The following KLHL1 variants were observed in gnomAD, a reference collection of about 807,000 sequenced individuals.
KLHL1 encodes the protein kelch like family member 1.
KLHL1 carries 47 observed loss-of-function variants against 77.7 expected under a neutral mutation model. The observed-to-expected ratio is 0.60, with a 90% CI of 0.48 to 0.77. KLHL1 has a LOEUF of 0.77. Among genes scored for constraint, KLHL1 ranks in the 30% least tolerant of loss-of-function variants. The probability of loss-of-function intolerance (pLI) is 0.00; values close to 1 mark genes in which losing one functional copy is unlikely to be tolerated. For synonymous variants in KLHL1, 360 were observed against 325.2 expected (o/e 1.11, Z -1.15); for missense variants, 925 against 910.8 (o/e 1.02, Z -0.20).
chr13:69,892,794 T>A (rs1438551791), intron 4 of KLHL1, among the ~76,000 whole-genome samples: 1 of 152,200 alleles, frequency 6.6e-6, no homozygotes, highest in Admixed American at 6.5e-5. Flanking sequence ...GTACAGAAGT[T>A]ACTTACATAA....
At chr13:69,855,327 G>C (rs1054078714) in intron 5 of KLHL1, among the ~76,000 whole-genome samples, 55 of 127,234 alleles carry the variant, frequency 4.3e-4, no homozygotes, top group Non-Finnish European at 5.4e-4. Flanking sequence ...TAGATAGATA[G>C]ATAGATAGAT....
intron 4 of KLHL1, among the ~76,000 whole-genome samples, chr13:69,934,772 G>A (rs1443959302): frequency 6.6e-6 from 1 of 151,578 alleles, no homozygotes; most frequent in East Asian, 2.0e-4. Context: ...TCCCACTTCA[G>A]ATCATTGGCA....
At chr13:69,782,865 C>A (rs1001641078) in intron 7 of KLHL1, among the ~76,000 whole-genome samples, 1 of 152,226 alleles carries the variant, frequency 6.6e-6, no homozygotes, top group Non-Finnish European at 1.5e-5. Context: ...ACTGCCTCCT[C>A]AAGTGGGTCC....
intron 6 of KLHL1, 105 bp from the exon 7 acceptor site, chr13:69,797,067 AT>A (rs1038151815): frequency 2.0e-4 from 179 of 888,996 alleles, no homozygotes; most frequent in South Asian, 1.8e-3. Flanking sequence ...TGTCATATTC[AT>A]TTTTTTTAAA....
At chr13:69,709,936 C>A (rs1215436658) in intron 9 of KLHL1, among the ~76,000 whole-genome samples, 1 of 151,770 alleles carries the variant, frequency 6.6e-6, no homozygotes, top group Admixed American at 6.6e-5. Flanking sequence ...GATTTTGTCA[C>A]CATCCTGTCA....
chr13:69,740,590 A>C (rs763039611), intron 7 of KLHL1, 34 bp from the exon 8 acceptor site: 1 of 1,497,418 alleles, frequency 6.7e-7, no homozygotes, highest in East Asian at 2.3e-5. Context: ...TAGTGCCTAT[A>C]GTTAATATCA....
At chr13:69,795,807 G>A (rs190831607) in intron 7 of KLHL1, among the ~76,000 whole-genome samples, 140 of 152,208 alleles carry the variant, frequency 9.2e-4, no homozygotes, top group African/African-American at 3.2e-3. Context: ...CCATAGCAGG[G>A]AACAGATAAA....
intron 5 of KLHL1, among the ~76,000 whole-genome samples, chr13:69,851,980 A>G (rs1879708306): frequency 6.6e-6 from 1 of 151,938 alleles, no homozygotes; most frequent in Admixed American, 6.6e-5. Context: ...ATGGGGTCTT[A>G]AATCATAACC....
At chr13:69,797,954 A>C (rs1877198491) in intron 6 of KLHL1, among the ~76,000 whole-genome samples, 1 of 152,208 alleles carries the variant, frequency 6.6e-6, no homozygotes, top group African/African-American at 2.4e-5. Context: ...TTTTACATAT[A>C]AGTTTGAGAA....
At chr13:70,033,343 G>A (rs1404482119) in intron 1 of KLHL1, among the ~76,000 whole-genome samples, 6 of 152,090 alleles carry the variant, frequency 3.9e-5, no homozygotes, top group African/African-American at 1.4e-4. Flanking sequence ...AGGCTGGAGG[G>A]CAGTGGCGCG....
intron 1 of KLHL1, among the ~76,000 whole-genome samples, chr13:69,998,215 A>G (rs1193359304): frequency 6.6e-6 from 1 of 152,054 alleles, no homozygotes; most frequent in African/African-American, 2.4e-5. Flanking sequence ...TAGGTCTGAG[A>G]TTTTGGACAT....
At chr13:70,054,642 T>C (rs1212801672) in intron 1 of KLHL1, among the ~76,000 whole-genome samples, 2 of 151,896 alleles carry the variant, frequency 1.3e-5, no homozygotes. Flanking sequence ...ATAGCTATTT[T>C]GATAAAGCCA....
chr13:70,053,521 T>C (rs1886676633), intron 1 of KLHL1, among the ~76,000 whole-genome samples: 1 of 152,108 alleles, frequency 6.6e-6, no homozygotes, highest in Non-Finnish European at 1.5e-5. Context: ...AAATTAATTA[T>C]AATACTCTTA....
chr13:69,861,473 A>G (rs1307733873), intron 5 of KLHL1, among the ~76,000 whole-genome samples: 3 of 152,110 alleles, frequency 2.0e-5, no homozygotes, highest in Admixed American at 1.3e-4. Context: ...ATGATTTCAT[A>G]TTGATGTTTA....
intron 6 of KLHL1, among the ~76,000 whole-genome samples, chr13:69,822,984 A>C (rs1001139222): frequency 6.6e-6 from 1 of 152,170 alleles, no homozygotes; most frequent in Non-Finnish European, 1.5e-5. Context: ...ACTTTCTTTC[A>C]GGATAAACTG....
chr13:69,884,951 T>A (rs1412564619), intron 4 of KLHL1, among the ~76,000 whole-genome samples: 1 of 142,846 alleles, frequency 7.0e-6, no homozygotes, highest in African/African-American at 2.8e-5. Flanking sequence ...TTTTTTTTTT[T>A]GAGACGGAGT....
chr13:69,836,508 T>C (rs1275711841), intron 6 of KLHL1, among the ~76,000 whole-genome samples: 1 of 152,052 alleles, frequency 6.6e-6, no homozygotes, highest in Admixed American at 6.6e-5. Flanking sequence ...GTGGCCCTGG[T>C]ATAAACATTG....
chr13:69,858,913 AAGAC>A (rs1880027460), intron 5 of KLHL1, among the ~76,000 whole-genome samples: 1 of 152,080 alleles, frequency 6.6e-6, no homozygotes, highest in African/African-American at 2.4e-5. Flanking sequence ...TAATCAAAAT[AAGAC>A]ATTCTATTCT....
chr13:69,848,522 G>A (rs1467300490), intron 5 of KLHL1, among the ~76,000 whole-genome samples: 3 of 151,422 alleles, frequency 2.0e-5, no homozygotes, highest in African/African-American at 7.3e-5. Context: ...CCATCCTACT[G>A]ACATAACTAC....
Sources: allele counts gnomAD v4.1 joint callset (sites outside exome capture counted in the v4.1 genomes callset), GRCh38; gene constraint gnomAD v4.1.1; transcripts MANE v1.5; gene names NCBI Gene and HGNC (gene_info 2026-07-23, HGNC 2026-07-21).